The following RGS3 variants were observed in gnomAD, a reference collection of about 807,000 sequenced individuals.
RGS3 encodes regulator of G protein signaling 3.
A neutral mutation model predicts 132.6 loss-of-function variants in RGS3; 80 were observed. The ratio of observed to expected loss-of-function variants is 0.60; its 90% CI spans 0.50 to 0.73. The LOEUF is 0.73. Among genes scored for constraint, RGS3 ranks in the 30% least tolerant of loss-of-function variants. The pLI, the probability that RGS3 is intolerant of heterozygous loss-of-function variation, is 0.00. For synonymous variants in RGS3, 598 were observed against 620.6 expected, an observed-to-expected ratio of 0.96 and a Z score of 0.54; for missense variants, 1,382 against 1,530.8, an observed-to-expected ratio of 0.90 and a Z score of 1.62.
intron 19 of RGS3, chr9:113,541,685 A>AAGGAGG (rs1005995871): frequency 9.1e-7 from 1 of 1,094,396 alleles, no homozygotes. Flanking sequence ...TCTTCCTTCC[A>AAGGAGG]AGGAGGAGGA....
chr9:113,536,166 T>C (rs1296632123), intron 18 of RGS3, among the ~76,000 whole-genome samples: 1 of 152,192 alleles, frequency 6.6e-6, no homozygotes, highest in Non-Finnish European at 1.5e-5. Context: ...GTGCCTGGGA[T>C]GTTGCTGCCC....
At chr9:113,583,815 T>A (rs1186109791) in exon 20 of RGS3, 12 of 1,614,008 alleles carry the variant, frequency 7.4e-6, no homozygotes, top group Middle Eastern at 1.6e-4. Context: ...AAGACCTCCC[T>A]GCCATCCAGG....
rs1056670084 is a variant in RGS3 at position 113,592,206 on chromosome 9, C to T, written c.3080+809C>T. On this transcript the variant is annotated intron_variant, in intron 21 of 24. Transcript: ENST00000350696. ...CCTCACCCCAGCTGCCTTGACCTCT[C>T]CAGCTTTCTGCAGCAACTGTTGGCT... is the stretch of plus-strand genomic sequence containing the variant. 3.3e-5 allele frequency: 5 copies of T among 152,502 alleles called. No individual in the cohort carries two copies. In the East Asian group the frequency reaches 5.8e-4, roughly 18 times the overall value. The allele number at this position is 152,502 out of a possible 1,614,324, so 9.4% of individuals were successfully genotyped here.
At chr9:113,515,255 A>G (rs1472001033) in intron 15 of RGS3, among the ~76,000 whole-genome samples, 3 of 152,022 alleles carry the variant, frequency 2.0e-5, no homozygotes, top group Admixed American at 6.5e-5. Context: ...CGAGGTTACA[A>G]TGAGCTGTGA....
chr9:113,472,591 A>G (rs938448797), intron 3 of RGS3, among the ~76,000 whole-genome samples: 15 of 152,220 alleles, frequency 9.9e-5, no homozygotes, highest in African/African-American at 3.1e-4. Context: ...GACAGAAAGC[A>G]GATTAGTGGT....
At chr9:113,563,467 C>G (rs1204020553) in intron 19 of RGS3, among the ~76,000 whole-genome samples, 1 of 152,208 alleles carries the variant, frequency 6.6e-6, no homozygotes, top group Non-Finnish European at 1.5e-5. Context: ...CCTAAGAAAT[C>G]TTATCCCACA....
chr9:113,504,569 G>A (rs189642951), intron 10 of RGS3, among the ~76,000 whole-genome samples: 4 of 152,282 alleles, frequency 2.6e-5, no homozygotes, highest in Admixed American at 2.6e-4. Flanking sequence ...TTTAGTGCCC[G>A]CTGTGCCCTG....
chr9:113,501,746 G>T (rs1830908157), intron 10 of RGS3: 2 of 1,110,624 alleles, frequency 1.8e-6, no homozygotes, highest in Admixed American at 4.0e-5. Flanking sequence ...CCTGCTCCCT[G>T]CAGGCTCACT....
intron 1 of RGS3, among the ~76,000 whole-genome samples, chr9:113,450,332 A>G (rs574432856): frequency 6.6e-6 from 1 of 151,888 alleles, no homozygotes; most frequent in East Asian, 1.9e-4. Flanking sequence ...TGGCCTCCCA[A>G]AGTGCTGGGA....
intron 10 of RGS3, 81 bp from the exon 9 acceptor site, chr9:113,505,361 G>A: frequency 8.0e-7 from 1 of 1,248,496 alleles, no homozygotes; most frequent in Non-Finnish European, 1.2e-6. Context: ...CTTGGCAGGG[G>A]TGGGCTGTGG....
At chr9:113,546,690 G>A (rs986080857) in intron 19 of RGS3, among the ~76,000 whole-genome samples, 2 of 152,180 alleles carry the variant, frequency 1.3e-5, no homozygotes, top group Middle Eastern at 3.2e-3. Flanking sequence ...ATCTGCACTT[G>A]GTTTATGAAG....
At chr9:113,492,502 G>A (rs1418424786) in intron 7 of RGS3, among the ~76,000 whole-genome samples, 4 of 152,190 alleles carry the variant, frequency 2.6e-5, no homozygotes, top group African/African-American at 4.8e-5. Flanking sequence ...CCTTAACGCT[G>A]TGGCTCCTTG....
chr9:113,552,417 C>T (rs965377458), intron 19 of RGS3, among the ~76,000 whole-genome samples: 2 of 152,012 alleles, frequency 1.3e-5, no homozygotes, highest in African/African-American at 2.4e-5. Context: ...CCCGGGTTCA[C>T]GCCATTCTCC....
At chr9:113,583,162 G>A (rs1323228357) in intron 19 of RGS3, 2 of 475,732 alleles carry the variant, frequency 4.2e-6, no homozygotes, top group Non-Finnish European at 3.7e-6. Flanking sequence ...AAGCTGGCCT[G>A]GCACCTGCCA....
At chr9:113,534,788 A>T (rs545868253) in intron 18 of RGS3, among the ~76,000 whole-genome samples, 24 of 151,860 alleles carry the variant, frequency 1.6e-4, no homozygotes, top group Admixed American at 3.9e-4. Context: ...ATTTTTTTTT[A>T]AAACTTTTGG....
Position 113,497,294 on chromosome 9 carries a change from CA to C in RGS3, c.751-19del. On this transcript the variant is annotated intron_variant, in intron 8 of 24. Transcript: ENST00000350696. ...TTCTGCCTCCTGTGTCTGAGCGTGC[CA>C]TTCCTTCTCTCGTGACAGGAGATCA... 6.3e-7 allele frequency: 1 copy of C among 1,597,682 alleles called. No individual in the cohort carries two copies. Among genetic ancestry groups the C allele is most frequent in the Non-Finnish European group, 8.6e-7 (1 of 1,165,978 alleles).
intron 18 of RGS3, among the ~76,000 whole-genome samples, chr9:113,531,948 A>C (rs1030348720): frequency 6.6e-6 from 1 of 152,246 alleles, no homozygotes; most frequent in Non-Finnish European, 1.5e-5. Context: ...CAGTTAATTC[A>C]GGAGCAAGGA....
chr9:113,561,474 A>C (rs564269870), intron 19 of RGS3, among the ~76,000 whole-genome samples: 1 of 151,182 alleles, frequency 6.6e-6, no homozygotes, highest in South Asian at 2.1e-4. Context: ...CAGTGGCACA[A>C]TTATCACGGC....
At position 113,529,166 on chromosome 9, in the gene RGS3, T is replaced by C. The variant is rs1471041046; in HGVS notation, c.1871-55T>C. On this transcript the variant is annotated intron_variant, in intron 17 of 24. Coordinates refer to ENST00000350696, the Ensembl canonical transcript of RGS3. The stretch of plus-strand genomic sequence containing the variant: ...GACAGCTGACTGTGCTGGAGCAAAC[T>C]GCTGAGGCTCTTTATCCAGTTCTAA... The C allele has an allele frequency of 2.9e-6, 4 of 1,402,478 alleles. No individual in the cohort carries two copies. The East Asian group carries it at 9.1e-5, about 32-fold the overall frequency. The allele number at this position is 1,402,478 out of a possible 1,614,324, so 86.9% of individuals were successfully genotyped here.
Sources: allele counts gnomAD v4.1 joint callset (sites outside exome capture counted in the v4.1 genomes callset), GRCh38; gene constraint gnomAD v4.1.1; transcripts MANE v1.5; gene names NCBI Gene and HGNC (gene_info 2026-07-23, HGNC 2026-07-21).